RUNDC3B: variants seen among roughly 807,000 people sequenced by gnomAD.
The protein encoded by RUNDC3B is RUN domain-containing protein 3B.
RUNDC3B carries 33 observed loss-of-function variants against 58.4 expected under a neutral mutation model. That is an observed-to-expected ratio of 0.56 (90% confidence interval 0.43 to 0.75). RUNDC3B has a LOEUF of 0.75. RUNDC3B is among the 30% of genes least tolerant of loss of function. The probability of loss-of-function intolerance (pLI) is 0.00; values close to 1 mark genes in which losing one functional copy is unlikely to be tolerated. For missense variants in RUNDC3B, 501 were observed against 535.7 expected, an observed-to-expected ratio of 0.94 and a Z score of 0.64; for synonymous variants, 193 against 195.2, an observed-to-expected ratio of 0.99 and a Z score of 0.10.
intron 1 of RUNDC3B, 170 bp downstream of exon 1, chr7:87,629,115 T>A: frequency 1.9e-6 from 1 of 534,560 alleles, no homozygotes; most frequent in Non-Finnish European, 2.9e-6. Flanking sequence ...GGGGCCCGGG[T>A]CTGGACACCG....
At chr7:87,675,653 C>CAAAA (rs200136132) in intron 2 of RUNDC3B, among the ~76,000 whole-genome samples, 4 of 65,838 alleles carry the variant, frequency 6.1e-5, no homozygotes, top group African/African-American at 1.7e-4. Flanking sequence ...TATTCACATG[C>CAAAA]AAAAAAAAAA....
chr7:87,706,634 TC>T (rs1239563313), intron 3 of RUNDC3B, among the ~76,000 whole-genome samples: 1 of 152,228 alleles, frequency 6.6e-6, no homozygotes, highest in Non-Finnish European at 1.5e-5. Context: ...CGCACATCCA[TC>T]TTTGCTTTAG....
intron 2 of RUNDC3B, among the ~76,000 whole-genome samples, chr7:87,685,197 G>A (rs1827338913): frequency 6.6e-6 from 1 of 152,010 alleles, no homozygotes; most frequent in South Asian, 2.1e-4. Flanking sequence ...TTTGACAAAG[G>A]GATTGTATGC....
chr7:87,633,210 A>C (rs570433959), intron 1 of RUNDC3B, among the ~76,000 whole-genome samples: 1 of 152,336 alleles, frequency 6.6e-6, no homozygotes, highest in Admixed American at 6.5e-5. Context: ...TGCTTTACTC[A>C]GCATTTATTT....
intron 4 of RUNDC3B, among the ~76,000 whole-genome samples, chr7:87,722,181 C>T (rs1175317901): frequency 6.6e-6 from 1 of 151,760 alleles, no homozygotes; most frequent in African/African-American, 2.4e-5. Context: ...ATATCTATCA[C>T]CTCTTATACT....
At chr7:87,707,810 T>C (rs950865128) in intron 3 of RUNDC3B, among the ~76,000 whole-genome samples, 1 of 152,132 alleles carries the variant, frequency 6.6e-6, no homozygotes, top group Non-Finnish European at 1.5e-5. Context: ...TTGCAGAGGA[T>C]TGAAATTGTG....
chr7:87,636,971 A>G (rs1207981474), intron 1 of RUNDC3B, among the ~76,000 whole-genome samples: 6 of 152,162 alleles, frequency 3.9e-5, no homozygotes, highest in Admixed American at 6.5e-5. Context: ...GTAGCAGGAG[A>G]GAGAAAAATG....
intron 7 of RUNDC3B, among the ~76,000 whole-genome samples, chr7:87,776,958 G>T (rs749443213): frequency 6.6e-6 from 1 of 151,994 alleles, no homozygotes; most frequent in Non-Finnish European, 1.5e-5. Flanking sequence ...AGAATAGAAT[G>T]CCATGGGAAG....
intron 6 of RUNDC3B, among the ~76,000 whole-genome samples, chr7:87,755,656 G>A (rs1299019764): frequency 6.6e-6 from 1 of 152,128 alleles, no homozygotes; most frequent in African/African-American, 2.4e-5. Flanking sequence ...AAAAGCTTTT[G>A]ATAAAATTCA....
chr7:87,673,999 G>A (rs1025239502), intron 2 of RUNDC3B, among the ~76,000 whole-genome samples: 5 of 152,098 alleles, frequency 3.3e-5, no homozygotes, highest in Admixed American at 6.5e-5. Context: ...AGCACTCCTC[G>A]GCTGTGTGCT....
chr7:87,645,035 A>T (rs1822844676), intron 1 of RUNDC3B, among the ~76,000 whole-genome samples: 1 of 150,578 alleles, frequency 6.6e-6, no homozygotes, highest in African/African-American at 2.4e-5. Flanking sequence ...AAGGTAGTCC[A>T]TGCTTTCTTA....
chr7:87,797,667 C>T (rs960990914), intron 8 of RUNDC3B, among the ~76,000 whole-genome samples: 1 of 152,034 alleles, frequency 6.6e-6, no homozygotes, highest in African/African-American at 2.4e-5. Context: ...AACTTTCCCT[C>T]GTCAGTTAGG....
At chr7:87,719,665 G>T (rs1830750243) in intron 4 of RUNDC3B, among the ~76,000 whole-genome samples, 1 of 151,730 alleles carries the variant, frequency 6.6e-6, no homozygotes, top group East Asian at 1.9e-4. Context: ...AGAAATAAAT[G>T]CAAGTAAAAA....
At chr7:87,730,556 C>T (rs964973434) in intron 4 of RUNDC3B, among the ~76,000 whole-genome samples, 2 of 151,896 alleles carry the variant, frequency 1.3e-5, no homozygotes, top group African/African-American at 4.8e-5. Flanking sequence ...AATAGAGCAC[C>T]AGGTAGATTC....
At chr7:87,712,822 A>G (rs1830208331) in intron 4 of RUNDC3B, among the ~76,000 whole-genome samples, 1 of 152,136 alleles carries the variant, frequency 6.6e-6, no homozygotes, top group South Asian at 2.1e-4. Context: ...ATATATATGT[A>G]TCTGATACAT....
At position 87,682,741 on chromosome 7, in the gene RUNDC3B, T is replaced by G. The variant is rs530113335; in HGVS notation, c.239-17680T>G. ...TTTATAGAGCTCAGGCAGAGTAGAT[T>G]TAGCATAATTCTTAAATACCCTAGG... On this transcript the variant is annotated intron_variant, in intron 2 of 10. Coordinates refer to ENST00000394654, the MANE Select transcript of RUNDC3B (RefSeq NM_001134405.2). 5.9e-5 allele frequency among the ~76,000 whole-genome samples: 9 copies of G among 152,318 alleles called. No homozygotes were observed. The South Asian group carries it at 6.2e-4, about 11-fold the overall frequency.
At chr7:87,697,840 A>G (rs1334133169) in intron 2 of RUNDC3B, among the ~76,000 whole-genome samples, 3 of 152,170 alleles carry the variant, frequency 2.0e-5, no homozygotes, top group Admixed American at 1.3e-4. Context: ...TCAAGATCCC[A>G]TAGCTAGAAA....
At chr7:87,760,924 TG>T (rs1833642839) in intron 6 of RUNDC3B, among the ~76,000 whole-genome samples, 1 of 151,960 alleles carries the variant, frequency 6.6e-6, no homozygotes, top group African/African-American at 2.4e-5. Flanking sequence ...GTTAGGCAAT[TG>T]TTTTTTAATA....
chr7:87,681,584 A>G (rs1182714583), intron 2 of RUNDC3B, among the ~76,000 whole-genome samples: 1 of 150,790 alleles, frequency 6.6e-6, no homozygotes, highest in Non-Finnish European at 1.5e-5. Flanking sequence ...TTTACTGCTA[A>G]AAATGCTAAC....
Sources: gnomAD v4.1 joint callset for allele counts (sites outside exome capture counted in the v4.1 genomes callset) on GRCh38, gnomAD v4.1.1 for gene constraint, MANE v1.5 for transcripts, NCBI Gene and HGNC (gene_info 2026-07-23, HGNC 2026-07-21) for gene names.